SLC25A22: variants seen among roughly 807,000 people sequenced by gnomAD.
The protein encoded by SLC25A22 is mitochondrial glutamate carrier 1.
A neutral mutation model predicts 33.7 loss-of-function variants in SLC25A22; 23 were observed. That is an observed-to-expected ratio of 0.68 (90% CI 0.49 to 0.97). The LOEUF (loss-of-function observed/expected upper bound fraction) is 0.97. Ranked by LOEUF, SLC25A22 falls within the 50% of genes least tolerant of loss-of-function variation. SLC25A22 has a pLI of 0.00. For synonymous variants in SLC25A22, 245 were observed against 203.8 expected (o/e 1.20, Z -1.72); for missense variants, 390 against 451.1 (o/e 0.86, Z 1.23).
intron 1 of SLC25A22, 144 bp from the exon 2 acceptor site, chr11:795,313 G>A: frequency 1.8e-6 from 1 of 549,628 alleles, no homozygotes; most frequent in Non-Finnish European, 3.3e-6. Flanking sequence ...GCAGCGGGAG[G>A]CACCTGCCAC....
Position 795,380 on chromosome 11 carries a change from A to T in SLC25A22, c.-163-211T>A, listed in dbSNP as rs116665464. ...GCTTCCTTTCAGTCCCCCCCTCCCC[A>T]CCGCCAGCGTCTTCCCAGCCAGCCT... is the stretch of plus-strand genomic sequence containing the variant. On this transcript the variant is annotated intron_variant, in intron 1 of 9. Coordinates refer to ENST00000628067, the MANE Select transcript of SLC25A22 (RefSeq NM_001191061.2). 1,033 of 185,910 alleles carry T rather than the reference A, an allele frequency of 5.6e-3. 73 individuals are homozygous for T. Among genetic ancestry groups the T allele is most frequent in the Non-Finnish European group, 7.6e-3 (808 of 105,822 alleles). 11.5% of individuals were successfully genotyped at this position (185,910 alleles called of 1,614,324 possible).
At position 792,857 on chromosome 11, in the gene SLC25A22, C is replaced by T. The variant is rs762031155; in HGVS notation, c.412+13G>A. The T allele has an allele frequency of 7.1e-6, 9 of 1,262,284 alleles. No homozygotes were observed. In the South Asian group the frequency reaches 7.2e-5, roughly 10 times the overall value. The allele number at this position is 1,262,284 out of a possible 1,614,324, so 78.2% of individuals were successfully genotyped here. A position where few individuals can be genotyped will look rare whatever the true frequency, so the allele number is the denominator to read the frequency against. ...GCACCTCTGCCCTCTCCTCCCCCTC[C>T]CCCCGCCCTCACCAATGCGCCCTGC... On this transcript the variant is annotated intron_variant, in intron 6 of 9. Transcript: ENST00000628067.
chr11:797,413 G>A (rs1864884245), intron 1 of SLC25A22: 4 of 392,884 alleles, frequency 1.0e-5, no homozygotes, highest in Non-Finnish European at 1.8e-5. Flanking sequence ...CACTGATGTT[G>A]CTATAGAAAC....
At chr11:794,015 TCGG>T (rs1864664489) in intron 4 of SLC25A22, 5 of 466,606 alleles carry the variant, frequency 1.1e-5, no homozygotes, top group Non-Finnish European at 2.0e-5. Flanking sequence ...GGGCCAGAGC[TCGG>T]GGGAGGCTGT....
intron 1 of SLC25A22, among the ~76,000 whole-genome samples, chr11:797,185 A>G (rs1864866532): frequency 6.6e-6 from 1 of 152,190 alleles, no homozygotes; most frequent in Admixed American, 6.5e-5. Flanking sequence ...GAAGAGAAGC[A>G]GGCCCAGAGA....
At position 793,068 on chromosome 11, in the gene SLC25A22, C is replaced by T. The variant is rs116352574; in HGVS notation, c.294-80G>A. 1,994 of 1,373,570 alleles carry T rather than the reference C, an allele frequency of 1.5e-3. 27 individuals carry two copies. The African/African-American group carries it at 0.026, about 18-fold the overall frequency. The allele number at this position is 1,373,570 out of a possible 1,614,324, so 85.1% of individuals were successfully genotyped here. On this transcript the variant is annotated intron_variant, in intron 5 of 9. Coordinates refer to ENST00000628067, the MANE Select transcript of SLC25A22 (RefSeq NM_001191061.2). Reference sequence around the variant, plus strand: ...CTCGGGGCTGCCCACCATGCCTGGGCGCAGAGGATGGTGGGAGCCGTGGAG... The same window carrying T: ...CTCGGGGCTGCCCACCATGCCTGGGTGCAGAGGATGGTGGGAGCCGTGGAG...
Position 792,368 on chromosome 11 carries a change from G to T in SLC25A22, c.678C>A (p.Tyr226Ter). 6.2e-7 allele frequency: 1 copy of T among 1,613,268 alleles called. No individual in the cohort carries two copies. Among genetic ancestry groups the T allele is most frequent in the Non-Finnish European group, 8.5e-7 (1 of 1,179,942 alleles). Residue 226 changes from tyrosine (Y) to a stop codon, truncating the protein, a stop_gained, in exon 8 of 10, where the codon TAC (tyrosine) becomes TAA (stop). Coordinates refer to ENST00000628067, the MANE Select transcript of SLC25A22 (RefSeq NM_001191061.2). LOFTEE classifies it high-confidence loss of function. Reference sequence around the variant, plus strand: ...CCACACAGCCGGCCAGGAAGGACACGTAGAAAGGCGACTTCTCCTCGGACG... The same window carrying T: ...CCACACAGCCGGCCAGGAAGGACACTTAGAAAGGCGACTTCTCCTCGGACG... ...RPASEEKSPF[Y>*]VSFLAGCVAG...
Position 790,918 on chromosome 11 carries a change from G to C in SLC25A22, c.*997C>G, listed in dbSNP as rs938579581. The C allele has an allele frequency of 1.1e-4, 16 of 152,360 alleles. No individual in the cohort carries two copies. The highest frequency in any genetic ancestry group is 3.9e-4 in the African/African-American group (16 of 41,436). The allele number at this position is 152,360 out of a possible 1,614,324, so 9.4% of individuals were successfully genotyped here. On this transcript the variant is annotated 3_prime_UTR_variant, in exon 10 of 10. Coordinates refer to ENST00000628067, the MANE Select transcript of SLC25A22 (RefSeq NM_001191061.2). ...TATGCAGAGGCTGAAAAAGGAGGGTGGGCCCTGAGAGGACTTGGGGGTGTG... is the reference window on the plus strand; with the variant it reads ...TATGCAGAGGCTGAAAAAGGAGGGTCGGCCCTGAGAGGACTTGGGGGTGTG...
At position 792,061 on chromosome 11, in the gene SLC25A22, G is replaced by T. The variant is rs746201173; in HGVS notation, c.826C>A (p.Leu276Met). ...AAGGCCGAGGGGCCCTCGTGCCGCA[G>T]GATCTTCCTGTGGAGGAAGGACGAA... ...SGILDCARKI[L>M]RHEGPSAFLK... The change falls in exon 10 of 10, where the codon CTG becomes ATG. Residue 276 changes from leucine (L) to methionine (M), a missense_variant. By Grantham distance (15) the Leu-to-Met change is conservative. Transcript: ENST00000628067. 25 of 1,598,694 alleles carry T rather than the reference G, an allele frequency of 1.6e-5. No homozygotes were observed. Among genetic ancestry groups the T allele is most frequent in the Non-Finnish European group, 2.0e-5 (23 of 1,173,176 alleles).
Position 798,254 on chromosome 11 carries a change from C to T in SLC25A22, c.-201G>A, listed in dbSNP as rs191701026. 1 of 388,766 alleles carries T rather than the reference C, an allele frequency of 2.6e-6. No homozygotes were observed. The allele number at this position is 388,766 out of a possible 1,614,324, so 24.1% of individuals were successfully genotyped here. ...CGCCGCCGCGCTCGCCTGCCCGCCC[C>T]GCGCTCGGCCAGCACCTAGGCGGGG... On this transcript the variant is annotated 5_prime_UTR_variant, in exon 1 of 10. Coordinates refer to ENST00000628067, the MANE Select transcript of SLC25A22 (RefSeq NM_001191061.2).
rs1429370535 is a variant in SLC25A22 at position 794,838 on chromosome 11, G to T, written c.84C>A (p.Pro28=). Reference sequence around the variant, plus strand: ...GCAGCCTGGTCTTGGCCAGGTCGATGGGAAACACGCAGGTGACACCGATCA... The same window carrying T: ...GCAGCCTGGTCTTGGCCAGGTCGATTGGAAACACGCAGGTGACACCGATCA... The part of the protein sequence containing the change: ...AGLIGVTCVF[P]IDLAKTRLQN... Residue 28 remains proline, a synonymous_variant, in exon 3 of 10, where the codon CCC becomes CCA. Transcript: ENST00000628067. The T allele has an allele frequency of 6.3e-7, 1 of 1,587,604 alleles. No individual in the cohort carries two copies. Among genetic ancestry groups the T allele is most frequent in the Admixed American group, 1.8e-5 (1 of 55,258 alleles).
intron 1 of SLC25A22, chr11:797,412 T>G: frequency 2.5e-6 from 1 of 392,566 alleles, no homozygotes; most frequent in Non-Finnish European, 4.5e-6. Context: ...GCACTGATGT[T>G]GCTATAGAAA....
chr11:791,727 CGGTG>C lies in SLC25A22; in HGVS notation c.*184_*187del. On this transcript the variant is annotated 3_prime_UTR_variant, in exon 10 of 10. Transcript: ENST00000628067. ...TACATAAATGAGACATTGATCCCAA[CGGTG>C]CAGGCAGCACCCCGGGGGGCTTGCG... The C allele has an allele frequency of 2.9e-6, 2 of 694,746 alleles. No homozygotes were observed. The highest frequency in any genetic ancestry group is 4.7e-6 in the Non-Finnish European group (2 of 423,886). 43.0% of individuals were successfully genotyped at this position (694,746 alleles called of 1,614,324 possible). A position where few individuals can be genotyped will look rare whatever the true frequency, so the allele number is the denominator to read the frequency against.
At chr11:794,017 G>A (rs1050288388) in intron 4 of SLC25A22, 7 of 466,554 alleles carry the variant, frequency 1.5e-5, no homozygotes, top group Non-Finnish European at 2.4e-5. Context: ...GCCAGAGCTC[G>A]GGGGAGGCTG....
At position 797,556 on chromosome 11, in the gene SLC25A22, T is replaced by G. The variant is rs1248030093; in HGVS notation, c.-164+661A>C. The G allele has an allele frequency of 7.5e-6, 3 of 398,192 alleles. No homozygotes were observed. In the East Asian group the frequency reaches 1.1e-4, roughly 14 times the overall value. 24.7% of individuals were successfully genotyped at this position (398,192 alleles called of 1,614,324 possible). A position where few individuals can be genotyped will look rare whatever the true frequency, so the allele number is the denominator to read the frequency against. On this transcript the variant is annotated intron_variant, in intron 1 of 9. Coordinates refer to ENST00000628067, the MANE Select transcript of SLC25A22 (RefSeq NM_001191061.2). ...CCACCCCACAGGAAGATACCGCTGC[T>G]TCCGAATCTGCAGGGGTAAAATCCT...
chr11:793,450 G>A (rs537975784), intron 5 of SLC25A22, 79 bp downstream of exon 5: 460 of 1,391,842 alleles, frequency 3.3e-4, no homozygotes, highest in Non-Finnish European at 3.7e-4. Flanking sequence ...GCCCCCAGGT[G>A]GGACCCAGCT....
At chr11:796,696 T>C (rs948440429) in intron 1 of SLC25A22, among the ~76,000 whole-genome samples, 7 of 152,154 alleles carry the variant, frequency 4.6e-5, no homozygotes, top group African/African-American at 7.2e-5. Flanking sequence ...GGAAGCCTCA[T>C]GCTGGGCCAC....
rs1273949669 is a variant in SLC25A22, at chr11:791,801, C to T, written c.*114G>A. On this transcript the variant is annotated 3_prime_UTR_variant, in exon 10 of 10. Coordinates refer to ENST00000628067, the MANE Select transcript of SLC25A22 (RefSeq NM_001191061.2). ...CCCTGCACCCTGCCCCCTGCTGCCC[C>T]TGCCGACGGGAGGGCTGGGGAGGGG... 1 of 1,415,704 alleles carries T rather than the reference C, an allele frequency of 7.1e-7. No individual in the cohort carries two copies. Among genetic ancestry groups the T allele is most frequent in the East Asian group, 2.5e-5 (1 of 40,004 alleles). 87.7% of individuals were successfully genotyped at this position (1,415,704 alleles called of 1,614,324 possible).
At position 794,570 on chromosome 11, in the gene SLC25A22, G is replaced by A. The variant is rs767494277; in HGVS notation, c.147-57C>T. ...CAGCTGGGGCCAGCCGGAGGCCAGG[G>A]TCCCTGGACTGTCTAGGGCTGATAG... On this transcript the variant is annotated intron_variant, in intron 3 of 9. Coordinates refer to ENST00000628067, the MANE Select transcript of SLC25A22 (RefSeq NM_001191061.2). 14 of 1,594,326 alleles carry A rather than the reference G, an allele frequency of 8.8e-6. No individual in the cohort carries two copies. In the South Asian group the frequency reaches 1.6e-4, roughly 18 times the overall value.
Sources: allele counts gnomAD v4.1 joint callset (sites outside exome capture counted in the v4.1 genomes callset), GRCh38; gene constraint gnomAD v4.1.1; transcripts MANE v1.5; gene names NCBI Gene and HGNC (gene_info 2026-07-23, HGNC 2026-07-21).